Variants in ZNF721 observed in about 807,000 individuals in gnomAD.
The protein encoded by ZNF721 is zinc finger protein 721.
In ZNF721, 2 loss-of-function variants were observed where a neutral mutation model predicts 2.4. That is an observed-to-expected ratio of 0.82 (90% CI 0.34 to 2.58). The LOEUF is 2.58. Ranked by LOEUF, ZNF721 falls within the 30% of genes most tolerant of loss-of-function variation. The pLI, the probability that ZNF721 is intolerant of heterozygous loss-of-function variation, is 0.11. For missense variants in ZNF721, 1,187 were observed against 1,085.5 expected (o/e 1.09, Z -1.31); for synonymous variants, 398 against 381.8 (o/e 1.04, Z -0.50).
At position 442,559 on chromosome 4, in the gene ZNF721, A is replaced by G. The variant is rs369395005; in HGVS notation, c.1908T>C (p.Thr636=). The G allele has an allele frequency of 1.2e-6, 2 of 1,613,766 alleles. No homozygotes were observed. Among genetic ancestry groups the G allele is most frequent in the African/African-American group, 2.7e-5 (2 of 74,868 alleles). The change falls in exon 3 of 3, where the codon ACT becomes ACC. Residue 636 remains threonine, a synonymous_variant. Coordinates refer to ENST00000511833, the MANE Select transcript of ZNF721 (RefSeq NM_133474.4). ...CTTCACATTTGTAAGGTTTCTCCCC[A>G]GTGTAAATTTTCTTCTGTTGATTCA... ...TDLNQQKKIY[T]GEKPYKCEEC... is the part of the protein sequence containing the mutation.
intron 1 of ZNF721, among the ~76,000 whole-genome samples, chr4:492,166 A>G (rs1489796896): frequency 1.5e-5 from 2 of 137,810 alleles, no homozygotes; most frequent in Non-Finnish European, 3.1e-5. Flanking sequence ...CCGTCTCAAA[A>G]AAAAAAAAAC....
intron 2 of ZNF721, among the ~76,000 whole-genome samples, chr4:471,874 C>T (rs1337810066): frequency 6.6e-6 from 1 of 152,056 alleles, no homozygotes; most frequent in Non-Finnish European, 1.5e-5. Context: ...ACATTGTACA[C>T]ATTAAATATA....
At chr4:479,059 G>A (rs782747986) in intron 1 of ZNF721, among the ~76,000 whole-genome samples, 46 of 152,122 alleles carry the variant, frequency 3.0e-4, no homozygotes, top group Non-Finnish European at 5.0e-4. Flanking sequence ...GAACCACCGC[G>A]CCCGGCCCAA....
rs782610610 is a variant in ZNF721 at position 442,809 on chromosome 4, C to T, written c.1658G>A (p.Gly553Glu). 46 of 1,613,772 alleles carry T rather than the reference C, an allele frequency of 2.9e-5. No homozygotes were observed. Among genetic ancestry groups the T allele is most frequent in the Non-Finnish European group, 8.5e-7 (1 of 1,179,910 alleles). The change falls in exon 3 of 3, where the codon GGA becomes GAA. Residue 553 changes from glycine (G) to glutamate (E), a missense_variant. Coordinates refer to ENST00000511833, the MANE Select transcript of ZNF721 (RefSeq NM_133474.4). ...ILYVHRRIHT[G>E]EKPYTCEECG... ...TTCTTCACATGTGTAGGGTTTCTCT[C>T]CAGTATGAATTCTCCTATGTACATA...
At chr4:495,672 G>T (rs1229531919) in intron 1 of ZNF721, among the ~76,000 whole-genome samples, 5 of 150,766 alleles carry the variant, frequency 3.3e-5, no homozygotes, top group Admixed American at 2.6e-4. Context: ...GTGTGATCTC[G>T]GCTCACTGCA....
At position 444,419 on chromosome 4, in the gene ZNF721, A is replaced by G. The variant is rs781948850; in HGVS notation, c.48T>C (p.His16=). ...RNLVSLAMCS[H]FTQDFLPVQG... ...GCACTGGCAAAAAGTCTTGGGTGAA[A>G]TGAGAACACATAGCTGAAAGAAACA... The change falls in exon 3 of 3, where the codon CAT becomes CAC. Residue 16 remains histidine, a synonymous_variant. Transcript: ENST00000511833. 7 of 1,581,862 alleles carry G rather than the reference A, an allele frequency of 4.4e-6. No homozygotes were observed. The highest frequency in any genetic ancestry group is 6.0e-6 in the Non-Finnish European group (7 of 1,166,588).
At chr4:484,043 C>T (rs1715834378) in intron 1 of ZNF721, among the ~76,000 whole-genome samples, 1 of 151,962 alleles carries the variant, frequency 6.6e-6, no homozygotes, top group African/African-American at 2.4e-5. Context: ...AGTCAGGGGC[C>T]CCAAATGGAG....
At position 448,434 on chromosome 4, in the gene ZNF721, T is replaced by TC. The variant is rs1553864439; in HGVS notation, c.35-4003dup. Among the ~76,000 whole-genome samples, 73 of 103,154 alleles carry TC rather than the reference T, an allele frequency of 7.1e-4. 1 individual carries two copies. Among genetic ancestry groups the TC allele is most frequent in the Middle Eastern group, 6.8e-3 (1 of 148 alleles). The allele number at this position is 103,154 out of a possible 152,430, so 67.7% of individuals were successfully genotyped here. On this transcript the variant is annotated intron_variant, in intron 2 of 2. Transcript: ENST00000511833. ...CTGGGTGACAGAGCAGGAATCCGTATCCCCCCCCAAAAAAAAAAAAAAATT... is the reference window on the plus strand; with the variant it reads ...CTGGGTGACAGAGCAGGAATCCGTATCCCCCCCCCAAAAAAAAAAAAAAATT...
In ZNF721 at chr4:442,627, T is replaced by G. The variant is rs1202627520; in HGVS notation, c.1840A>C (p.Lys614Gln). ...KKIHTGEKLY[K>Q]CEECGKDFVW... ...AAGTCTTTGCCACACTCTTCACATT[T>G]GTAAAGTTTCTCTCCAGTATGAATT... Residue 614 changes from lysine to glutamine, a missense_variant, in exon 3 of 3, where the codon AAA (lysine) becomes CAA (glutamine). Transcript: ENST00000511833. 3.5e-5 allele frequency: 56 copies of G among 1,613,842 alleles called. No homozygotes were observed. In the Admixed American group the frequency reaches 9.3e-4, roughly 27 times the overall value.
chr4:492,096 G>C (rs1408774346), intron 1 of ZNF721, among the ~76,000 whole-genome samples: 1 of 151,712 alleles, frequency 6.6e-6, no homozygotes, highest in Non-Finnish European at 1.5e-5. Flanking sequence ...CAAGGAGGCA[G>C]AGCTTGCAGT....
chr4:467,474 A>C (rs1553866917), intron 2 of ZNF721, among the ~76,000 whole-genome samples: 1 of 152,228 alleles, frequency 6.6e-6, no homozygotes, highest in South Asian at 2.1e-4. Context: ...GTGCTTGCCT[A>C]TAGTTAGGGT....
At chr4:474,032 A>G (rs1560238862) in intron 1 of ZNF721, 2 of 1,496,236 alleles carry the variant, frequency 1.3e-6, no homozygotes, top group Non-Finnish European at 1.8e-6. Context: ...ATCATCCAAT[A>G]CCCGCAGGTT....
chr4:468,085 G>A (rs1454703685), intron 2 of ZNF721, among the ~76,000 whole-genome samples: 2 of 152,140 alleles, frequency 1.3e-5, no homozygotes, highest in African/African-American at 2.4e-5. Context: ...CGAGACCGCG[G>A]TGAAACCCTG....
At chr4:472,295 C>A (rs1325364045) in intron 2 of ZNF721, among the ~76,000 whole-genome samples, 1 of 152,218 alleles carries the variant, frequency 6.6e-6, no homozygotes, top group Non-Finnish European at 1.5e-5. Flanking sequence ...CTCCTGACCT[C>A]CTGATCTGCC....
chr4:484,365 G>A (rs1715841156), intron 1 of ZNF721, among the ~76,000 whole-genome samples: 1 of 152,152 alleles, frequency 6.6e-6, no homozygotes, highest in African/African-American at 2.4e-5. Context: ...GAAATGTGTG[G>A]CACCTTGAAA....
At chr4:480,661 T>C (rs1553869302) in intron 1 of ZNF721, among the ~76,000 whole-genome samples, 1 of 152,262 alleles carries the variant, frequency 6.6e-6, no homozygotes, top group African/African-American at 2.4e-5. Flanking sequence ...TTTGTCACTT[T>C]GTTTCTGGCA....
intron 1 of ZNF721, among the ~76,000 whole-genome samples, chr4:495,224 C>T (rs1716119225): frequency 6.7e-6 from 1 of 149,874 alleles, no homozygotes; most frequent in Non-Finnish European, 1.5e-5. Context: ...GTCTAAACTA[C>T]ATACTTCCTT....
At chr4:471,431 C>T (rs59300284) in intron 2 of ZNF721, among the ~76,000 whole-genome samples, 21,078 of 152,028 alleles carry the variant, frequency 0.14, 1,893 homozygotes, top group African/African-American at 0.26. Context: ...GGACATGATG[C>T]TAAATGAAAT....
intron 1 of ZNF721, among the ~76,000 whole-genome samples, chr4:491,252 C>T (rs1328746121): frequency 1.3e-5 from 2 of 152,006 alleles, no homozygotes; most frequent in Non-Finnish European, 2.9e-5. Flanking sequence ...ATAGTTAAAG[C>T]CCGTGTCTAC....
Sources: gnomAD v4.1 joint callset for allele counts (sites outside exome capture counted in the v4.1 genomes callset) on GRCh38, gnomAD v4.1.1 for gene constraint, MANE v1.5 for transcripts, NCBI Gene and HGNC (gene_info 2026-07-23, HGNC 2026-07-21) for gene names.